The following TRUB1 variants were observed in gnomAD, a reference collection of about 807,000 sequenced individuals.
The protein encoded by TRUB1 is TruB pseudouridine synthase family member 1.
In TRUB1, 23 loss-of-function variants were observed where a neutral mutation model predicts 33.9. The observed-to-expected ratio is 0.68, with a 90% CI of 0.49 to 0.96. TRUB1 has a LOEUF of 0.96. Among genes scored for constraint, TRUB1 ranks in the 40% least tolerant of loss-of-function variants. The pLI is 0.00. For synonymous variants in TRUB1, 163 were observed against 165.4 expected, an observed-to-expected ratio of 0.99 and a Z score of 0.11; for missense variants, 378 against 422.2, an observed-to-expected ratio of 0.90 and a Z score of 0.92.
Position 114,965,827 on chromosome 10 carries a change from AT to A in TRUB1, c.524-4540del, listed in dbSNP as rs201479829. Among the ~76,000 whole-genome samples, 565 of 152,254 alleles carry A rather than the reference AT, an allele frequency of 3.7e-3. 1 individual carries two copies. Among genetic ancestry groups the A allele is most frequent in the African/African-American group, 0.012 (513 of 41,558 alleles). ...TGTCATCTCATCTAAAATTTCAAAA[AT>A]ATTGGTATAAAGCTGTTTATAATAG... On this transcript the variant is annotated intron_variant, in intron 4 of 7. Coordinates refer to ENST00000298746, the MANE Select transcript of TRUB1 (RefSeq NM_139169.5).
chr10:114,945,900 A>G (rs2084209126), intron 2 of TRUB1, among the ~76,000 whole-genome samples: 1 of 152,164 alleles, frequency 6.6e-6, no homozygotes, highest in East Asian at 1.9e-4. Context: ...CTCAATTTAT[A>G]TTTGATCACA....
intron 1 of TRUB1, among the ~76,000 whole-genome samples, chr10:114,938,954 C>G (rs2084172739): frequency 6.6e-6 from 1 of 152,192 alleles, no homozygotes; most frequent in Non-Finnish European, 1.5e-5. Context: ...TTAACCAAGA[C>G]TTAATATAGT....
chr10:114,940,081 G>A (rs75930966), intron 1 of TRUB1, among the ~76,000 whole-genome samples: 7,849 of 152,108 alleles, frequency 0.052, 248 homozygotes, highest in African/African-American at 0.073. Context: ...CTTTCCAAAT[G>A]TCATTGTAAT....
At chr10:114,956,217 A>G (rs987920350) in intron 3 of TRUB1, among the ~76,000 whole-genome samples, 10 of 152,192 alleles carry the variant, frequency 6.6e-5, no homozygotes, top group Non-Finnish European at 1.2e-4. Flanking sequence ...TACACAGGTC[A>G]ATGGAATGTT....
chr10:114,974,631 C>T (rs559353428), intron 7 of TRUB1, among the ~76,000 whole-genome samples: 32 of 151,418 alleles, frequency 2.1e-4, no homozygotes, highest in African/African-American at 6.6e-4. Flanking sequence ...GAATAATGAA[C>T]GTAGGGCCAA....
At chr10:114,966,976 T>G (rs185975845) in intron 4 of TRUB1, among the ~76,000 whole-genome samples, 1 of 152,366 alleles carries the variant, frequency 6.6e-6, no homozygotes, top group Non-Finnish European at 1.5e-5. Flanking sequence ...TTCTTCATTC[T>G]GGATGGTTGA....
intron 3 of TRUB1, among the ~76,000 whole-genome samples, chr10:114,953,598 T>C (rs1489652058): frequency 6.6e-6 from 1 of 152,184 alleles, no homozygotes. Context: ...TATAGATACA[T>C]ACATTTATGA....
At chr10:114,958,411 G>A (rs1415084524) in intron 3 of TRUB1, among the ~76,000 whole-genome samples, 1 of 152,086 alleles carries the variant, frequency 6.6e-6, no homozygotes, top group Non-Finnish European at 1.5e-5. Context: ...ATAATATTAA[G>A]GTGATTTCAT....
At chr10:114,958,082 A>G (rs2084269181) in intron 3 of TRUB1, among the ~76,000 whole-genome samples, 1 of 152,212 alleles carries the variant, frequency 6.6e-6, no homozygotes, top group Non-Finnish European at 1.5e-5. Context: ...ATTTTAAGAT[A>G]AGGAAATTAA....
At chr10:114,953,779 T>C (rs968411062) in intron 3 of TRUB1, among the ~76,000 whole-genome samples, 1 of 152,068 alleles carries the variant, frequency 6.6e-6, no homozygotes, top group Non-Finnish European at 1.5e-5. Context: ...CTCTGGAAGC[T>C]TACACTTGTG....
chr10:114,963,474 A>G (rs1564700660), intron 4 of TRUB1, among the ~76,000 whole-genome samples: 1 of 152,256 alleles, frequency 6.6e-6, no homozygotes, highest in Non-Finnish European at 1.5e-5. Context: ...GTACAAGTAA[A>G]GAAAACTGAA....
chr10:114,938,453 C>T lies in TRUB1; in HGVS notation c.200C>T (p.Ser67Phe). 1.3e-6 allele frequency: 2 copies of T among 1,595,540 alleles called. No homozygotes were observed. The highest frequency in any genetic ancestry group is 1.7e-6 in the Non-Finnish European group (2 of 1,171,366). The change falls in exon 1 of 8, where the codon TCC becomes TTC. Residue 67 changes from serine to phenylalanine, a missense_variant. Coordinates refer to ENST00000298746, the MANE Select transcript of TRUB1 (RefSeq NM_139169.5). ...GCCGCTTTGGCTACCAAGCTGCTGT[C>T]CTTGAGCGGCGTGTTCGCCGTGCAC... is the stretch of plus-strand genomic sequence containing the variant. ...SKAALATKLL[S>F]LSGVFAVHKP... is the part of the protein sequence containing the mutation.
At chr10:114,970,264 T>A in intron 4 of TRUB1, 104 bp from the exon 5 acceptor site, 1 of 795,658 alleles carries the variant, frequency 1.3e-6, no homozygotes, top group East Asian at 2.5e-5. Flanking sequence ...TAATATATGC[T>A]TTTGGAAAAA....
At chr10:114,945,432 AAG>A (rs1277853795) in intron 2 of TRUB1, among the ~76,000 whole-genome samples, 2 of 152,242 alleles carry the variant, frequency 1.3e-5, no homozygotes, top group Non-Finnish European at 2.9e-5. Flanking sequence ...AATACAAGGA[AAG>A]AGAGGATCAG....
chr10:114,947,066 T>C lies in TRUB1; in HGVS notation c.386-4028T>C, dbSNP rs2084214502. The stretch of plus-strand genomic sequence containing the variant: ...GTGGAAGAGGAGGCAGAAGAGAGAG[T>C]CAGAGGAGATGTGGCAGTGGAAGCA... On this transcript the variant is annotated intron_variant, in intron 2 of 7. Coordinates refer to ENST00000298746, the MANE Select transcript of TRUB1 (RefSeq NM_139169.5). 1.3e-5 allele frequency among the ~76,000 whole-genome samples: 2 copies of C among 151,744 alleles called. 1 individual carries two copies. Among genetic ancestry groups the C allele is most frequent in the South Asian group, 4.2e-4 (2 of 4,794 alleles).
In TRUB1 at chr10:114,970,259, T is replaced by C. The variant is rs1483643152; in HGVS notation, c.524-109T>C. On this transcript the variant is annotated intron_variant, in intron 4 of 7. Coordinates refer to ENST00000298746, the MANE Select transcript of TRUB1 (RefSeq NM_139169.5). ...TGGCTATAAAACATATACTGTAATA[T>C]ATGCTTTTGGAAAAAGTTTTAAATG... 1.2e-5 allele frequency: 9 copies of C among 742,698 alleles called. No individual in the cohort carries two copies. The African/African-American group carries it at 1.4e-4, about 12-fold the overall frequency. The allele number at this position is 742,698 out of a possible 1,614,324, so 46.0% of individuals were successfully genotyped here. A position where few individuals can be genotyped will look rare whatever the true frequency, so the allele number is the denominator to read the frequency against.
chr10:114,965,615 A>G (rs985359283), intron 4 of TRUB1, among the ~76,000 whole-genome samples: 26 of 152,074 alleles, frequency 1.7e-4, no homozygotes, highest in African/African-American at 6.3e-4. Context: ...TTCTATTCTC[A>G]GGAAGAATTT....
intron 2 of TRUB1, 40 bp downstream of exon 2, chr10:114,942,783 T>A: frequency 7.8e-7 from 1 of 1,280,812 alleles, no homozygotes; most frequent in Non-Finnish European, 1.1e-6. Flanking sequence ...CACTGTCACT[T>A]AATATCAGAA....
At chr10:114,973,684 G>T (rs2084346708) in intron 6 of TRUB1, among the ~76,000 whole-genome samples, 1 of 152,182 alleles carries the variant, frequency 6.6e-6, no homozygotes, top group Admixed American at 6.5e-5. Context: ...GTTAGATTGT[G>T]TTAAGAAGAT....
Sources: allele counts gnomAD v4.1 joint callset (sites outside exome capture counted in the v4.1 genomes callset), GRCh38; gene constraint gnomAD v4.1.1; transcripts MANE v1.5; gene names NCBI Gene and HGNC (gene_info 2026-07-23, HGNC 2026-07-21).